The following PTPRM variants were observed in gnomAD, a reference collection of about 807,000 sequenced individuals.
PTPRM encodes protein tyrosine phosphatase receptor type M.
A neutral mutation model predicts 186.7 loss-of-function variants in PTPRM; 47 were observed. The observed-to-expected ratio is 0.25, with a 90% CI of 0.20 to 0.32. The LOEUF is 0.32. Among genes scored for constraint, PTPRM ranks in the 10% least tolerant of loss-of-function variants. The probability of loss-of-function intolerance (pLI) is 1.00; values close to 1 mark genes in which losing one functional copy is unlikely to be tolerated. For synonymous variants in PTPRM, 668 were observed against 674.9 expected (o/e 0.99, Z 0.16); for missense variants, 1,494 against 1,865.0 (o/e 0.80, Z 3.66).
chr18:7,650,343 A>G (rs565874180), intron 1 of PTPRM, among the ~76,000 whole-genome samples: 14 of 151,436 alleles, frequency 9.2e-5, no homozygotes, highest in East Asian at 3.9e-4. Flanking sequence ...ATAATTTACT[A>G]TGTCTGAAGC....
intron 2 of PTPRM, chr18:7,814,541 C>T (rs1240095734): frequency 2.6e-5 from 4 of 152,172 alleles, no homozygotes; most frequent in Non-Finnish European, 5.9e-5. Context: ...AAAACAGGTT[C>T]TGGGAAACCT....
intron 1 of PTPRM, among the ~76,000 whole-genome samples, chr18:7,569,498 G>A (rs1473656955): frequency 6.6e-6 from 1 of 152,208 alleles, no homozygotes; most frequent in Non-Finnish European, 1.5e-5. Flanking sequence ...AGTAGAATTT[G>A]AGAGCCTTGT....
At chr18:7,634,220 A>C (rs772771356) in intron 1 of PTPRM, among the ~76,000 whole-genome samples, 1 of 152,106 alleles carries the variant, frequency 6.6e-6, no homozygotes, top group Non-Finnish European at 1.5e-5. Flanking sequence ...TGTTCATTCC[A>C]TAAAGAACAG....
chr18:8,123,151 G>C (rs1301569864), intron 13 of PTPRM, among the ~76,000 whole-genome samples: 1 of 152,108 alleles, frequency 6.6e-6, no homozygotes, highest in African/African-American at 2.4e-5. Context: ...AAACTTTTTT[G>C]CTTCAGCAAA....
At chr18:7,683,382 AG>A (rs2039524424) in intron 1 of PTPRM, among the ~76,000 whole-genome samples, 1 of 152,086 alleles carries the variant, frequency 6.6e-6, no homozygotes, top group South Asian at 2.1e-4. Flanking sequence ...TTTGTTGCCC[AG>A]GCTGGTATCA....
intron 13 of PTPRM, among the ~76,000 whole-genome samples, chr18:8,139,954 C>T (rs989679208): frequency 1.3e-5 from 2 of 152,194 alleles, no homozygotes; most frequent in Admixed American, 6.5e-5. Context: ...TTAAACAGTG[C>T]TTGGCAAGCA....
At chr18:8,065,508 C>T (rs1483943961) in intron 7 of PTPRM, among the ~76,000 whole-genome samples, 2 of 152,150 alleles carry the variant, frequency 1.3e-5, no homozygotes, top group Non-Finnish European at 2.9e-5. Flanking sequence ...AGGCCATTCT[C>T]ATCTCTTATC....
At chr18:8,246,690 A>G (rs2094479881) in intron 15 of PTPRM, among the ~76,000 whole-genome samples, 1 of 152,138 alleles carries the variant, frequency 6.6e-6, no homozygotes, top group African/African-American at 2.4e-5. Flanking sequence ...GCTTCTTACC[A>G]TAAACATGCG....
intron 25 of PTPRM, 74 bp downstream of exon 25, chr18:8,376,274 A>G: frequency 1.9e-6 from 3 of 1,566,690 alleles, no homozygotes; most frequent in Non-Finnish European, 2.6e-6. Flanking sequence ...GGGGATGATG[A>G]GTATGTTTTA....
chr18:7,741,070 G>T (rs1013962512), intron 1 of PTPRM, among the ~76,000 whole-genome samples: 1 of 152,114 alleles, frequency 6.6e-6, no homozygotes, highest in Non-Finnish European at 1.5e-5. Flanking sequence ...GTAAATTCTT[G>T]GAGCTTAGCT....
intron 4 of PTPRM, among the ~76,000 whole-genome samples, chr18:7,915,755 C>G (rs2050520973): frequency 1.3e-5 from 2 of 152,164 alleles, no homozygotes; most frequent in South Asian, 4.1e-4. Flanking sequence ...AGTACTGATG[C>G]TTGAACACAA....
chr18:8,152,948 C>G (rs1310151871), intron 14 of PTPRM, among the ~76,000 whole-genome samples: 4 of 152,004 alleles, frequency 2.6e-5, no homozygotes, highest in Non-Finnish European at 5.9e-5. Context: ...GATCTCCTGA[C>G]CTCGTGATCC....
At chr18:7,910,110 G>C (rs780969433) in intron 4 of PTPRM, among the ~76,000 whole-genome samples, 1 of 152,030 alleles carries the variant, frequency 6.6e-6, no homozygotes, top group Non-Finnish European at 1.5e-5. Context: ...CTTAAAAGCC[G>C]TATGTAATTT....
At chr18:7,685,797 A>C (rs371155452) in intron 1 of PTPRM, among the ~76,000 whole-genome samples, 2 of 152,172 alleles carry the variant, frequency 1.3e-5, no homozygotes, top group South Asian at 4.1e-4. Context: ...GCTGTAATTC[A>C]TCTCTAGAAA....
At chr18:7,573,457 C>T (rs866529371) in intron 1 of PTPRM, among the ~76,000 whole-genome samples, 18 of 152,190 alleles carry the variant, frequency 1.2e-4, no homozygotes, top group South Asian at 6.2e-4. Context: ...AAGGCTGCTT[C>T]CTGGGGCCCA....
At chr18:8,115,335 A>G (rs536151796) in intron 13 of PTPRM, among the ~76,000 whole-genome samples, 4 of 152,214 alleles carry the variant, frequency 2.6e-5, no homozygotes, top group Admixed American at 2.6e-4. Flanking sequence ...TGGAGCATCT[A>G]TTTCCCAAGC....
At chr18:8,313,061 AG>A (rs1273825585) in intron 20 of PTPRM, among the ~76,000 whole-genome samples, 1 of 152,230 alleles carries the variant, frequency 6.6e-6, no homozygotes, top group Non-Finnish European at 1.5e-5. Flanking sequence ...GAATGGGTCC[AG>A]GTCAATAGTT....
chr18:7,954,592 A>C (rs1315049824), intron 6 of PTPRM, among the ~76,000 whole-genome samples: 4 of 152,210 alleles, frequency 2.6e-5, no homozygotes, highest in Non-Finnish European at 5.9e-5. Flanking sequence ...TTTTGAAGAC[A>C]TTCTCAATAA....
intron 29 of PTPRM, among the ~76,000 whole-genome samples, chr18:8,383,855 T>C (rs1230020976): frequency 1.3e-5 from 2 of 152,138 alleles, no homozygotes; most frequent in Admixed American, 6.5e-5. Flanking sequence ...ATCTGGGCAT[T>C]AAGAGTTGTA....
Sources: allele counts gnomAD v4.1 joint callset (sites outside exome capture counted in the v4.1 genomes callset), GRCh38; gene constraint gnomAD v4.1.1; transcripts MANE v1.5; gene names NCBI Gene and HGNC (gene_info 2026-07-23, HGNC 2026-07-21).